Variants in TMEFF2 observed in about 807,000 individuals in gnomAD.
TMEFF2 encodes transmembrane protein with EGF like and two follistatin like domains 2.
Under a neutral mutation model 53.8 loss-of-function variants are expected in TMEFF2, and 28 were observed. The ratio of observed to expected loss-of-function variants is 0.52; its 90% confidence interval spans 0.39 to 0.71. The LOEUF (loss-of-function observed/expected upper bound fraction) is 0.71. Among genes scored for constraint, TMEFF2 ranks in the 30% least tolerant of loss-of-function variants. The pLI is 0.00. For synonymous variants in TMEFF2, 162 were observed against 166.3 expected, an observed-to-expected ratio of 0.97 and a Z score of 0.20; for missense variants, 353 against 455.2, an observed-to-expected ratio of 0.78 and a Z score of 2.04.
chr2:192,095,835 CAAAT>C (rs1352175752), intron 4 of TMEFF2, among the ~76,000 whole-genome samples: 1 of 151,950 alleles, frequency 6.6e-6, no homozygotes, highest in African/African-American at 2.4e-5. Flanking sequence ...AAATATTTAG[CAAAT>C]AAATAATAAA....
chr2:192,145,245 A>T lies in TMEFF2; in HGVS notation c.439+34423T>A, dbSNP rs188037695. ...TAATTTTGCAACATTATCATTAGAA[A>T]ATACATACTTGTGTTTATAAAATTC... On this transcript the variant is annotated intron_variant, in intron 4 of 9. Coordinates refer to ENST00000272771, the MANE Select transcript of TMEFF2 (RefSeq NM_016192.4). Among the ~76,000 whole-genome samples the T allele has an allele frequency of 4.4e-3, 671 of 152,104 alleles. 1 individual carries two copies. The highest frequency in any genetic ancestry group is 0.041 in the Middle Eastern group (12 of 290).
chr2:192,103,530 T>C (rs1337222823), intron 4 of TMEFF2, among the ~76,000 whole-genome samples: 1 of 152,164 alleles, frequency 6.6e-6, no homozygotes, highest in Non-Finnish European at 1.5e-5. Context: ...CTAGCCTTCC[T>C]ACTTTATCTT....
In TMEFF2 at chr2:192,057,835, C is replaced by T. The variant is rs1245720682; in HGVS notation, c.440-60G>A. ...TAATTGTGCATTATATCTACAACTC[C>T]AGGACAATTCTTTAATTAAAGCTGC... On this transcript the variant is annotated intron_variant, in intron 4 of 9. Coordinates refer to ENST00000272771, the MANE Select transcript of TMEFF2 (RefSeq NM_016192.4). The T allele has an allele frequency of 3.0e-6, 4 of 1,319,470 alleles. No homozygotes were observed. The African/African-American group carries it at 5.8e-5, about 19-fold the overall frequency. The allele number at this position is 1,319,470 out of a possible 1,614,324, so 81.7% of individuals were successfully genotyped here. A position where few individuals can be genotyped will look rare whatever the true frequency, so the allele number is the denominator to read the frequency against.
intron 4 of TMEFF2, among the ~76,000 whole-genome samples, chr2:192,078,543 T>C (rs191861212): frequency 6.6e-6 from 1 of 152,172 alleles, no homozygotes; most frequent in African/African-American, 2.4e-5. Flanking sequence ...ATTGCAGAGA[T>C]ATTTTTAATT....
At chr2:192,184,630 A>G (rs1157244796) in intron 2 of TMEFF2, 147 bp from the exon 3 acceptor site, 2 of 1,098,728 alleles carry the variant, frequency 1.8e-6, no homozygotes, top group Non-Finnish European at 2.5e-6. Flanking sequence ...TTATAAGGGC[A>G]TCATTGAAAG....
intron 4 of TMEFF2, among the ~76,000 whole-genome samples, chr2:192,058,929 A>C (rs1574335597): frequency 1.3e-5 from 2 of 152,170 alleles, no homozygotes; most frequent in East Asian, 3.9e-4. Flanking sequence ...TGTCAAATCC[A>C]ATCTTACTTA....
intron 5 of TMEFF2, among the ~76,000 whole-genome samples, chr2:192,016,909 G>A (rs1686756946): frequency 6.6e-6 from 1 of 152,148 alleles, no homozygotes; most frequent in Non-Finnish European, 1.5e-5. Flanking sequence ...AGATGGGCAA[G>A]ACAATACCCT....
chr2:192,049,243 A>G (rs930365992), intron 5 of TMEFF2, among the ~76,000 whole-genome samples: 1 of 152,126 alleles, frequency 6.6e-6, no homozygotes, highest in Non-Finnish European at 1.5e-5. Flanking sequence ...AGTTAAGAGC[A>G]TGGAGTCTGC....
intron 5 of TMEFF2, among the ~76,000 whole-genome samples, chr2:192,041,139 T>TG (rs1378934792): frequency 1.3e-5 from 2 of 152,158 alleles, no homozygotes; most frequent in Admixed American, 1.3e-4. Context: ...AAAAAGTTTG[T>TG]GTTTCAAAGG....
chr2:192,096,866 G>A (rs909581531), intron 4 of TMEFF2, among the ~76,000 whole-genome samples: 12 of 151,416 alleles, frequency 7.9e-5, no homozygotes, highest in Non-Finnish European at 5.9e-5. Context: ...AGTAGAGACG[G>A]GGTTTCACCA....
chr2:191,949,083 G>T lies in TMEFF2; in HGVS notation c.*1228C>A. 1.0e-6 allele frequency: 1 copy of T among 984,864 alleles called. No homozygotes were observed. Among genetic ancestry groups the T allele is most frequent in the African/African-American group, 1.7e-5 (1 of 57,226 alleles). The allele number at this position is 984,864 out of a possible 1,614,324, so 61.0% of individuals were successfully genotyped here. On this transcript the variant is annotated 3_prime_UTR_variant, in exon 10 of 10. Coordinates refer to ENST00000272771, the MANE Select transcript of TMEFF2 (RefSeq NM_016192.4). ...AAAGAGAGCTTTATTTAAATTTACT[G>T]TGTTAGCCATGGAAAGCTTTGCAGA...
At chr2:192,171,650 A>T (rs1690916742) in intron 4 of TMEFF2, among the ~76,000 whole-genome samples, 1 of 152,008 alleles carries the variant, frequency 6.6e-6, no homozygotes, top group African/African-American at 2.4e-5. Flanking sequence ...CATCTGCTTC[A>T]GAGTTTTCTC....
chr2:192,006,171 C>T (rs1291772989), intron 5 of TMEFF2, among the ~76,000 whole-genome samples: 1 of 151,476 alleles, frequency 6.6e-6, no homozygotes, highest in Non-Finnish European at 1.5e-5. Flanking sequence ...CTCAGGTTTT[C>T]CAGGGTGGCC....
chr2:192,070,625 C>T (rs1688273414), intron 4 of TMEFF2, among the ~76,000 whole-genome samples: 1 of 151,818 alleles, frequency 6.6e-6, no homozygotes, highest in Non-Finnish European at 1.5e-5. Flanking sequence ...TTATACTTGT[C>T]ACATTGCCAG....
At chr2:192,167,484 CCTTA>C (rs1401075913) in intron 4 of TMEFF2, among the ~76,000 whole-genome samples, 4 of 152,180 alleles carry the variant, frequency 2.6e-5, no homozygotes, top group Admixed American at 2.0e-4. Flanking sequence ...TCTTTTTTTC[CCTTA>C]CTTAAACATT....
rs551525872 is a variant in TMEFF2, at chr2:192,035,532, A to G, written c.536+22147T>C. On this transcript the variant is annotated intron_variant, in intron 5 of 9. Transcript: ENST00000272771. ...TTCTATGGTTTATTTCTGATGTCTTATCTTAATTAATATATCCTGATATCT... is the reference window on the plus strand; with the variant it reads ...TTCTATGGTTTATTTCTGATGTCTTGTCTTAATTAATATATCCTGATATCT... 4 of 152,308 alleles carry G rather than the reference A, an allele frequency of 2.6e-5. No individual in the cohort carries two copies. The East Asian group carries it at 7.7e-4, about 29-fold the overall frequency. The allele number at this position is 152,308 out of a possible 1,614,324, so 9.4% of individuals were successfully genotyped here.
intron 4 of TMEFF2, among the ~76,000 whole-genome samples, chr2:192,105,943 G>A (rs1489797440): frequency 3.3e-5 from 5 of 151,680 alleles, no homozygotes; most frequent in Non-Finnish European, 7.4e-5. Context: ...AAAAGAAATT[G>A]GCAATAAAAA....
At chr2:192,168,641 A>AT (rs1324780428) in intron 4 of TMEFF2, among the ~76,000 whole-genome samples, 4 of 151,990 alleles carry the variant, frequency 2.6e-5, no homozygotes, top group African/African-American at 9.7e-5. Context: ...CTGGCATGCC[A>AT]TTATTTTTTT....
At chr2:192,098,225 A>G (rs1238359186) in intron 4 of TMEFF2, among the ~76,000 whole-genome samples, 1 of 152,210 alleles carries the variant, frequency 6.6e-6, no homozygotes, top group Non-Finnish European at 1.5e-5. Context: ...GTAACATTCT[A>G]TCAAGCAAAA....
Sources: allele counts gnomAD v4.1 joint callset (sites outside exome capture counted in the v4.1 genomes callset), GRCh38; gene constraint gnomAD v4.1.1; transcripts MANE v1.5; gene names NCBI Gene and HGNC (gene_info 2026-07-23, HGNC 2026-07-21).